Variants in CNTNAP2 observed in about 807,000 individuals in gnomAD.
CNTNAP2 encodes the protein contactin associated protein 2.
CNTNAP2 carries 98 observed loss-of-function variants against 155.2 expected under a neutral mutation model. That is an observed-to-expected ratio of 0.63 (90% CI 0.54 to 0.75). The LOEUF (loss-of-function observed/expected upper bound fraction) is 0.75, where lower values mean the gene tolerates loss of function less well. CNTNAP2 is among the 30% of genes least tolerant of loss of function. The pLI, the probability that CNTNAP2 is intolerant of heterozygous loss-of-function variation, is 0.00. For missense variants in CNTNAP2, 1,727 were observed against 1,688.1 expected (o/e 1.02, Z -0.40); for synonymous variants, 651 against 631.2 (o/e 1.03, Z -0.47).
At chr7:147,773,108 A>G (rs1452326661) in intron 13 of CNTNAP2, among the ~76,000 whole-genome samples, 1 of 152,246 alleles carries the variant, frequency 6.6e-6, no homozygotes. Context: ...TGCCTAGCAG[A>G]AGGCCTAGCA....
chr7:147,894,965 C>CTTTTT (rs1175962918), intron 13 of CNTNAP2, among the ~76,000 whole-genome samples: 156 of 36,110 alleles, frequency 4.3e-3, no homozygotes, highest in Admixed American at 5.5e-3. Flanking sequence ...TTCTTTCTTT[C>CTTTTT]TTTTTTTTTT....
chr7:146,361,879 G>C (rs1382753612), intron 1 of CNTNAP2, among the ~76,000 whole-genome samples: 1 of 152,210 alleles, frequency 6.6e-6, no homozygotes, highest in Non-Finnish European at 1.5e-5. Flanking sequence ...TTGTAAGCAA[G>C]TGAGATTTGT....
At chr7:146,535,971 T>C (rs1037988452) in intron 1 of CNTNAP2, among the ~76,000 whole-genome samples, 4 of 152,118 alleles carry the variant, frequency 2.6e-5, no homozygotes, top group Non-Finnish European at 5.9e-5. Flanking sequence ...AGAGAAAATA[T>C]ATGAAAGGAA....
At chr7:147,300,560 A>G (rs538815445) in intron 9 of CNTNAP2, among the ~76,000 whole-genome samples, 1 of 152,340 alleles carries the variant, frequency 6.6e-6, no homozygotes, top group South Asian at 2.1e-4. Flanking sequence ...CATCCTCATA[A>G]TCCTCAAAAG....
intron 13 of CNTNAP2, among the ~76,000 whole-genome samples, chr7:147,705,980 C>A (rs1261670341): frequency 1.3e-5 from 2 of 151,230 alleles, no homozygotes; most frequent in Non-Finnish European, 1.5e-5. Context: ...AGAGTTGGCT[C>A]ATTTTTTTTT....
intron 12 of CNTNAP2, among the ~76,000 whole-genome samples, chr7:147,606,482 A>T (rs1293829105): frequency 2.6e-5 from 4 of 152,312 alleles, no homozygotes; most frequent in Non-Finnish European, 4.4e-5. Flanking sequence ...TAAACTATCT[A>T]TGTCTATTTG....
chr7:146,639,757 C>G (rs1799674054), intron 1 of CNTNAP2, among the ~76,000 whole-genome samples: 2 of 152,194 alleles, frequency 1.3e-5, no homozygotes, highest in Admixed American at 1.3e-4. Flanking sequence ...ATATAATAAT[C>G]AGAATCTATC....
At chr7:146,538,656 T>C (rs1797905965) in intron 1 of CNTNAP2, among the ~76,000 whole-genome samples, 2 of 151,950 alleles carry the variant, frequency 1.3e-5, no homozygotes, top group South Asian at 4.1e-4. Context: ...AGCAAGCATT[T>C]GGCAAGCACA....
chr7:146,955,557 T>TATCATTTA (rs1453748953), intron 3 of CNTNAP2, among the ~76,000 whole-genome samples: 2 of 152,028 alleles, frequency 1.3e-5, no homozygotes, highest in African/African-American at 4.8e-5. Flanking sequence ...TAGAAAATGG[T>TATCATTTA]ATCATTTATT....
chr7:146,557,775 C>T (rs1246518208), intron 1 of CNTNAP2, among the ~76,000 whole-genome samples: 1 of 152,154 alleles, frequency 6.6e-6, no homozygotes, highest in Non-Finnish European at 1.5e-5. Context: ...GTGTGATTGT[C>T]TAGGTTGCAA....
chr7:147,331,051 A>T (rs1332447652), intron 9 of CNTNAP2, among the ~76,000 whole-genome samples: 1 of 152,186 alleles, frequency 6.6e-6, no homozygotes, highest in Non-Finnish European at 1.5e-5. Context: ...ACTAGGGACT[A>T]GTGAGTGACT....
intron 3 of CNTNAP2, among the ~76,000 whole-genome samples, chr7:146,985,494 G>A (rs1030326899): frequency 1.4e-5 from 2 of 147,078 alleles, no homozygotes; most frequent in Admixed American, 6.7e-5. Flanking sequence ...ATTTTTTTTT[G>A]TATTTTTAGT....
Position 148,398,245 on chromosome 7 carries a change from A to G in CNTNAP2, c.3716-11146A>G, listed in dbSNP as rs77172986. Among the ~76,000 whole-genome samples, 429 of 152,330 alleles carry G rather than the reference A, an allele frequency of 2.8e-3. 1 individual carries two copies. Among genetic ancestry groups the G allele is most frequent in the Middle Eastern group, 0.01 (3 of 294 alleles). On this transcript the variant is annotated intron_variant, in intron 22 of 23. Transcript: ENST00000361727. ...CAGCAACGCTCCTCATCTATGTATT[A>G]TACTAGTTTCTGAAAACTTAAGAAT...
chr7:146,322,634 C>CTTTTTTTTT (rs56287346), intron 1 of CNTNAP2, among the ~76,000 whole-genome samples: 20,546 of 64,224 alleles, frequency 0.32, 5,971 homozygotes, highest in East Asian at 0.51. Flanking sequence ...TGTTCATTCT[C>CTTTTTTTTT]TTTTTTTTTT....
intron 22 of CNTNAP2, among the ~76,000 whole-genome samples, chr7:148,404,623 A>G (rs537517288): frequency 1.3e-5 from 2 of 152,316 alleles, no homozygotes; most frequent in African/African-American, 4.8e-5. Context: ...GTTACAATTA[A>G]TGCTGTTTTA....
chr7:147,300,659 G>A lies in CNTNAP2; in HGVS notation c.1498+369G>A, dbSNP rs368751304. 7.2e-5 allele frequency among the ~76,000 whole-genome samples: 11 copies of A among 152,164 alleles called. No individual in the cohort carries two copies. In the East Asian group the frequency reaches 1.4e-3, roughly 19 times the overall value. On this transcript the variant is annotated intron_variant, in intron 9 of 23. Coordinates refer to ENST00000361727, the MANE Select transcript of CNTNAP2 (RefSeq NM_014141.6). The stretch of plus-strand genomic sequence containing the variant: ...TCTTCAAACAAACATTTATTATCTC[G>A]CAGTTTCTCTGGATCAGGAATTCAG...
intron 1 of CNTNAP2, among the ~76,000 whole-genome samples, chr7:146,196,369 G>A (rs995912806): frequency 1.3e-5 from 2 of 152,140 alleles, no homozygotes; most frequent in African/African-American, 4.8e-5. Context: ...AGAGCCATTG[G>A]CATATGTATA....
At chr7:148,366,284 A>ATG (rs1322540841) in intron 21 of CNTNAP2, among the ~76,000 whole-genome samples, 9 of 149,250 alleles carry the variant, frequency 6.0e-5, no homozygotes, top group African/African-American at 2.2e-4. Flanking sequence ...GTATATATGT[A>ATG]TGTGTACATG....
rs989765461 is a variant in CNTNAP2, at chr7:146,326,689, G to A, written c.97+209716G>A. Among the ~76,000 whole-genome samples, 6 of 152,286 alleles carry A rather than the reference G, an allele frequency of 3.9e-5. No individual in the cohort carries two copies. In the East Asian group the frequency reaches 7.7e-4, roughly 20 times the overall value. On this transcript the variant is annotated intron_variant, in intron 1 of 23. Transcript: ENST00000361727. Reference sequence around the variant, plus strand: ...ACTTTTGCCACAGAAAAGCATCTCCGTGGATGAAAAGAGTGGCGACTTTTT... The same window carrying A: ...ACTTTTGCCACAGAAAAGCATCTCCATGGATGAAAAGAGTGGCGACTTTTT...
Sources: gnomAD v4.1 joint callset for allele counts (sites outside exome capture counted in the v4.1 genomes callset) on GRCh38, gnomAD v4.1.1 for gene constraint, MANE v1.5 for transcripts, NCBI Gene and HGNC (gene_info 2026-07-23, HGNC 2026-07-21) for gene names.